The following TBXAS1 variants were observed in gnomAD, a reference collection of about 807,000 sequenced individuals.
The protein encoded by TBXAS1 is thromboxane A synthase 1, also known as thromboxane-A synthase.
A neutral mutation model predicts 60.7 loss-of-function variants in TBXAS1; 48 were observed. The observed-to-expected ratio is 0.79, with a 90% CI of 0.63 to 1.01. The LOEUF (loss-of-function observed/expected upper bound fraction) is 1.01. Among genes scored for constraint, TBXAS1 ranks in the 50% least tolerant of loss-of-function variants. TBXAS1 has a pLI of 0.00. For synonymous variants in TBXAS1, 287 were observed against 269.7 expected (o/e 1.06, Z -0.63); for missense variants, 685 against 686.3 (o/e 1.00, Z 0.02).
chr7:139,849,932 T>C (rs1387793763), intron 1 of TBXAS1, among the ~76,000 whole-genome samples: 1 of 152,236 alleles, frequency 6.6e-6, no homozygotes, highest in African/African-American at 2.4e-5. Flanking sequence ...GAAAGGAATA[T>C]GGCTGAAAAC....
rs1050313819 is a variant in TBXAS1 at position 139,896,166 on chromosome 7, A to G, written c.237-15059A>G. 1.3e-5 allele frequency among the ~76,000 whole-genome samples: 2 copies of G among 152,180 alleles called. No homozygotes were observed. The highest frequency in any genetic ancestry group is 1.3e-4 in the Admixed American group (2 of 15,282). On this transcript the variant is annotated intron_variant, in intron 3 of 12. Coordinates refer to ENST00000448866, the MANE Select transcript of TBXAS1 (RefSeq NM_001061.7). The surrounding 1 kb of genome is among the most constrained non-coding windows in gnomAD (Gnocchi z 4.0). ...GCTTCTCAGGGATGCACGGACAGATAAGATGGGCTTTGTCTTGAGAGAACT... is the reference window on the plus strand; with the variant it reads ...GCTTCTCAGGGATGCACGGACAGATGAGATGGGCTTTGTCTTGAGAGAACT...
intron 1 of TBXAS1, among the ~76,000 whole-genome samples, chr7:139,845,316 C>A (rs1799723708): frequency 6.6e-6 from 1 of 152,132 alleles, no homozygotes; most frequent in Admixed American, 6.5e-5. Flanking sequence ...TGGTCCCCTG[C>A]CCCTCTGCAG....
At chr7:139,868,462 AATTTATTT>A (rs57162964) in intron 1 of TBXAS1, among the ~76,000 whole-genome samples, 16 of 150,442 alleles carry the variant, frequency 1.1e-4, no homozygotes, top group African/African-American at 2.7e-4. Context: ...GAAACTCCAG[AATTTATTT>A]ATTTATTTAT....
At chr7:139,920,797 G>A (rs1806405821) in intron 4 of TBXAS1, among the ~76,000 whole-genome samples, 1 of 152,144 alleles carries the variant, frequency 6.6e-6, no homozygotes, top group African/African-American at 2.4e-5. Flanking sequence ...CATCACAGTA[G>A]GACACTCCTT....
At chr7:139,925,882 A>G (rs914529284) in intron 4 of TBXAS1, among the ~76,000 whole-genome samples, 16 of 152,176 alleles carry the variant, frequency 1.1e-4, no homozygotes, top group African/African-American at 3.9e-4. Context: ...TTTAGCATCA[A>G]TTGAAATGAT....
At chr7:139,929,504 T>A (rs1807147002) in intron 4 of TBXAS1, among the ~76,000 whole-genome samples, 1 of 152,176 alleles carries the variant, frequency 6.6e-6, no homozygotes. Context: ...TGAGTCAGGG[T>A]GGAGCAGGTA....
intron 9 of TBXAS1, among the ~76,000 whole-genome samples, chr7:139,980,729 G>C (rs1308070036): frequency 1.3e-5 from 2 of 151,600 alleles, no homozygotes; most frequent in African/African-American, 4.8e-5. Flanking sequence ...GGCCTCACCT[G>C]CCTTCCCCCC....
At chr7:139,844,379 T>C (rs569351557) in intron 1 of TBXAS1, among the ~76,000 whole-genome samples, 5 of 152,224 alleles carry the variant, frequency 3.3e-5, no homozygotes, top group Non-Finnish European at 7.3e-5. Context: ...TGTTCTGTTG[T>C]CCCAGCAACA....
At chr7:139,992,470 T>A (rs1812986465) in intron 9 of TBXAS1, among the ~76,000 whole-genome samples, 1 of 152,246 alleles carries the variant, frequency 6.6e-6, no homozygotes, top group Non-Finnish European at 1.5e-5. Context: ...CGCGGAGCCA[T>A]GTCTCTGGGG....
chr7:139,976,411 C>T (rs1811567290), intron 9 of TBXAS1, among the ~76,000 whole-genome samples: 1 of 152,244 alleles, frequency 6.6e-6, no homozygotes, highest in African/African-American at 2.4e-5. Context: ...CGGCCACCCT[C>T]ACCAAATTCC....
intron 3 of TBXAS1, among the ~76,000 whole-genome samples, chr7:139,909,798 C>A (rs978413789): frequency 2.0e-5 from 3 of 152,182 alleles, no homozygotes; most frequent in African/African-American, 7.2e-5. Context: ...GCTGGATACA[C>A]CAGCGATCAA....
At chr7:140,002,930 C>G (rs1031768349) in intron 9 of TBXAS1, among the ~76,000 whole-genome samples, 4 of 151,918 alleles carry the variant, frequency 2.6e-5, no homozygotes, top group Admixed American at 6.6e-5. Flanking sequence ...TCGAGACCAG[C>G]CTGACCAACA....
intron 3 of TBXAS1, among the ~76,000 whole-genome samples, chr7:139,877,447 G>C (rs1396828208): frequency 6.6e-6 from 1 of 152,172 alleles, no homozygotes; most frequent in African/African-American, 2.4e-5. Flanking sequence ...TTTTGCAATA[G>C]AGTCTTGCTC....
chr7:140,016,155 C>T lies in TBXAS1; in HGVS notation c.1364+295C>T, dbSNP rs867501476. ...CATCCTGGCTAACACGGTGAAACCC[C>T]ATCTCTACTAAAAATACAAAAACTT... On this transcript the variant is annotated intron_variant, in intron 11 of 12. Transcript: ENST00000448866. 4.6e-4 allele frequency among the ~76,000 whole-genome samples: 70 copies of T among 152,030 alleles called. No individual in the cohort carries two copies. The Middle Eastern group carries it at 0.01, about 22-fold the overall frequency.
At chr7:139,874,675 T>C (rs1422378973) in intron 2 of TBXAS1, among the ~76,000 whole-genome samples, 1 of 151,946 alleles carries the variant, frequency 6.6e-6, no homozygotes, top group African/African-American at 2.4e-5. Flanking sequence ...AACACAAATC[T>C]ACCATTTGCC....
intron 9 of TBXAS1, among the ~76,000 whole-genome samples, chr7:139,973,161 C>G (rs1380941988): frequency 6.6e-6 from 1 of 152,116 alleles, no homozygotes; most frequent in Admixed American, 6.5e-5. Flanking sequence ...TCCGAGGAGA[C>G]CTCTGGGGAC....
chr7:139,805,060 A>G (rs1415221387), intron 4 of TBXAS1, among the ~76,000 whole-genome samples: 2 of 152,256 alleles, frequency 1.3e-5, no homozygotes, highest in African/African-American at 4.8e-5. Context: ...ATGGAATGAG[A>G]TAAGTTCAGT....
intron 9 of TBXAS1, among the ~76,000 whole-genome samples, chr7:139,964,022 C>T (rs1810579414): frequency 6.6e-6 from 1 of 152,162 alleles, no homozygotes; most frequent in South Asian, 2.1e-4. Context: ...GGTCTGTGGC[C>T]TAAAATTCCC....
At chr7:140,016,040 A>AT (rs562863551) in intron 11 of TBXAS1, among the ~76,000 whole-genome samples, 180 bp downstream of exon 11, 127 of 152,118 alleles carry the variant, frequency 8.3e-4, no homozygotes, top group African/African-American at 2.9e-3. Context: ...TAATTATACC[A>AT]TTTTTTAGCC....
Sources: gnomAD v4.1 joint callset for allele counts (sites outside exome capture counted in the v4.1 genomes callset) on GRCh38, gnomAD v4.1.1 for gene constraint, Gnocchi (gnomAD v3.1) non-coding constraint, MANE v1.5 for transcripts, NCBI Gene and HGNC (gene_info 2026-07-23, HGNC 2026-07-21) for gene names.